Variants in RANBP17 observed in about 807,000 individuals in gnomAD.
RANBP17 encodes ran-binding protein 17.
RANBP17 carries 158 observed loss-of-function variants against 141.2 expected under a neutral mutation model. That is an observed-to-expected ratio of 1.12 (90% CI 0.98 to 1.28). The LOEUF (loss-of-function observed/expected upper bound fraction) is 1.28. Among genes scored for constraint, RANBP17 ranks in the 50% most tolerant of loss-of-function variants. The pLI, the probability that RANBP17 is intolerant of heterozygous loss-of-function variation, is 0.00. For missense variants in RANBP17, 1,438 were observed against 1,290.7 expected, an observed-to-expected ratio of 1.11 and a Z score of -1.75; for synonymous variants, 430 against 450.0, an observed-to-expected ratio of 0.96 and a Z score of 0.56.
intron 13 of RANBP17, among the ~76,000 whole-genome samples, chr5:170,964,000 C>T (rs956376298): frequency 5.9e-5 from 9 of 152,064 alleles, no homozygotes; most frequent in East Asian, 1.9e-4. Context: ...TTTTTAACCT[C>T]GCCTAAATAA....
At chr5:170,993,316 C>T (rs1778626426) in intron 14 of RANBP17, among the ~76,000 whole-genome samples, 1 of 152,026 alleles carries the variant, frequency 6.6e-6, no homozygotes, top group Non-Finnish European at 1.5e-5. Context: ...TGCAATCAGA[C>T]CAATGCCTTA....
intron 14 of RANBP17, among the ~76,000 whole-genome samples, chr5:171,122,420 G>A (rs1186219645): frequency 1.3e-5 from 2 of 152,120 alleles, no homozygotes; most frequent in Middle Eastern, 3.2e-3. Flanking sequence ...CCCTACACTC[G>A]CCTCCTCCAC....
intron 14 of RANBP17, among the ~76,000 whole-genome samples, chr5:171,007,714 C>T (rs547782511): frequency 7.2e-5 from 11 of 152,142 alleles, no homozygotes; most frequent in Admixed American, 1.3e-4. Context: ...TCAAAAGTGC[C>T]GTTTTCTGGC....
At chr5:171,165,567 T>C (rs1021967695) in intron 14 of RANBP17, among the ~76,000 whole-genome samples, 3 of 152,172 alleles carry the variant, frequency 2.0e-5, no homozygotes, top group Admixed American at 6.5e-5. Context: ...GTGGCAGATA[T>C]AGAATTCAAA....
At chr5:171,079,385 A>G (rs1363121751) in intron 14 of RANBP17, among the ~76,000 whole-genome samples, 1 of 152,246 alleles carries the variant, frequency 6.6e-6, no homozygotes, top group African/African-American at 2.4e-5. Context: ...TTAGAAAATT[A>G]CATAACATTA....
intron 14 of RANBP17, among the ~76,000 whole-genome samples, chr5:171,022,793 G>A (rs372268147): frequency 6.6e-5 from 10 of 152,312 alleles, no homozygotes; most frequent in East Asian, 1.9e-4. Context: ...GCAGGCAACC[G>A]CAGCTATGGT....
At chr5:170,978,975 C>G (rs1777580253) in intron 14 of RANBP17, among the ~76,000 whole-genome samples, 1 of 151,976 alleles carries the variant, frequency 6.6e-6, no homozygotes, top group East Asian at 1.9e-4. Context: ...TTATGTATAA[C>G]AGTGAAAATG....
At chr5:170,981,341 A>G (rs1777754885) in intron 14 of RANBP17, among the ~76,000 whole-genome samples, 1 of 152,088 alleles carries the variant, frequency 6.6e-6, no homozygotes, top group Non-Finnish European at 1.5e-5. Context: ...TAAGGACATG[A>G]GATTTGGAAG....
In RANBP17 at chr5:171,183,384, A is replaced by G; in HGVS notation, c.1992A>G (p.Arg664=). ...ATAGTCTCAGCGACTTCAGGTGTCG[A>G]ACAACCTTCTACACAGCGCTCACTC... is the stretch of plus-strand genomic sequence containing the variant. ...DNHSLSDFRC[R]TTFYTALTRL... Residue 664 remains arginine, a synonymous_variant, in exon 18 of 28, where the codon CGA becomes CGG. Coordinates refer to ENST00000523189, the MANE Select transcript of RANBP17 (RefSeq NM_022897.5). The G allele has an allele frequency of 6.2e-7, 1 of 1,614,024 alleles. No homozygotes were observed. Among genetic ancestry groups the G allele is most frequent in the Non-Finnish European group, 8.5e-7 (1 of 1,179,912 alleles).
At chr5:171,174,511 G>A (rs1760307224) in intron 16 of RANBP17, among the ~76,000 whole-genome samples, 2 of 152,130 alleles carry the variant, frequency 1.3e-5, no homozygotes, top group Non-Finnish European at 2.9e-5. Context: ...TGAAAACGGA[G>A]AAGAGTATCA....
At chr5:171,006,457 G>A (rs140335470) in intron 14 of RANBP17, among the ~76,000 whole-genome samples, 3,077 of 152,244 alleles carry the variant, frequency 0.02, 41 homozygotes, top group Middle Eastern at 0.058. Context: ...GGATATGGAT[G>A]AAGCTGGAAA....
At chr5:171,008,064 T>C (rs937458962) in intron 14 of RANBP17, among the ~76,000 whole-genome samples, 1 of 152,142 alleles carries the variant, frequency 6.6e-6, no homozygotes, top group Non-Finnish European at 1.5e-5. Context: ...CAGTGGAATA[T>C]GGGTGAATAA....
chr5:171,230,410 T>G (rs944903471), intron 22 of RANBP17, among the ~76,000 whole-genome samples: 1 of 152,196 alleles, frequency 6.6e-6, no homozygotes, highest in Non-Finnish European at 1.5e-5. Flanking sequence ...TTAAGGAGCT[T>G]TAGGCAGTGA....
chr5:171,102,650 G>A (rs1337972685), intron 14 of RANBP17, among the ~76,000 whole-genome samples: 9 of 152,066 alleles, frequency 5.9e-5, no homozygotes, highest in Non-Finnish European at 8.8e-5. Context: ...GCAAGGAGTT[G>A]TGATCCTTTG....
chr5:171,106,176 A>G (rs747070159), intron 14 of RANBP17, among the ~76,000 whole-genome samples: 5 of 152,230 alleles, frequency 3.3e-5, no homozygotes, highest in Non-Finnish European at 5.9e-5. Flanking sequence ...GACAAAAAAC[A>G]GTACTGTGAC....
At chr5:171,018,284 T>G (rs1389622134) in intron 14 of RANBP17, among the ~76,000 whole-genome samples, 3 of 152,200 alleles carry the variant, frequency 2.0e-5, no homozygotes, top group African/African-American at 7.2e-5. Context: ...TTTTTTCTAA[T>G]TCTGTGAAAA....
chr5:171,166,424 G>T (rs929983965), intron 14 of RANBP17, among the ~76,000 whole-genome samples: 1 of 144,498 alleles, frequency 6.9e-6, no homozygotes, highest in Non-Finnish European at 1.5e-5. Flanking sequence ...GACTGAAAGT[G>T]AGTTTTTTTT....
intron 5 of RANBP17, among the ~76,000 whole-genome samples, chr5:170,906,127 C>A (rs1771060480): frequency 1.3e-5 from 2 of 152,014 alleles, no homozygotes; most frequent in Admixed American, 1.3e-4. Flanking sequence ...TACAACCTTG[C>A]AATCAGAAAA....
chr5:171,208,383 C>T (rs1257485400), intron 20 of RANBP17, among the ~76,000 whole-genome samples: 1 of 152,176 alleles, frequency 6.6e-6, no homozygotes, highest in African/African-American at 2.4e-5. Flanking sequence ...GAAGGAAGAT[C>T]ATTGACATAC....
Sources: allele counts gnomAD v4.1 joint callset (sites outside exome capture counted in the v4.1 genomes callset), GRCh38; gene constraint gnomAD v4.1.1; transcripts MANE v1.5; gene names NCBI Gene and HGNC (gene_info 2026-07-23, HGNC 2026-07-21).